The following ZFP90 variants were observed in gnomAD, a reference collection of about 807,000 sequenced individuals.
ZFP90 encodes ZFP90 zinc finger protein.
Under a neutral mutation model 60.8 loss-of-function variants are expected in ZFP90, and 38 were observed. The ratio of observed to expected loss-of-function variants is 0.62; its 90% CI spans 0.48 to 0.82. The LOEUF (loss-of-function observed/expected upper bound fraction) is 0.82, where lower values mean the gene tolerates loss of function less well. Among genes scored for constraint, ZFP90 ranks in the 40% least tolerant of loss-of-function variants. The pLI is 0.00. For missense variants in ZFP90, 711 were observed against 759.1 expected (o/e 0.94, Z 0.74); for synonymous variants, 287 against 264.8 (o/e 1.08, Z -0.82).
chr16:68,559,639 C>T (rs894854342), intron 4 of ZFP90, among the ~76,000 whole-genome samples: 1 of 151,196 alleles, frequency 6.6e-6, no homozygotes, highest in Admixed American at 6.6e-5. Flanking sequence ...GTGATCTCGG[C>T]TCACTGCAGT....
rs2091522832 is a variant in ZFP90, at chr16:68,566,130, C to CAT, written c.*1433_*1434insTA. ...CCTGAGCAACAGAGCAAGACACACA[C>CAT]ACATCAATTTATTTTAGTTGTATAA... On this transcript the variant is annotated 3_prime_UTR_variant, in exon 5 of 5. Transcript: ENST00000563169. The CAT allele has an allele frequency of 2.0e-6, 2 of 985,096 alleles. No individual in the cohort carries two copies. Among genetic ancestry groups the CAT allele is most frequent in the Non-Finnish European group, 2.4e-6 (2 of 829,842 alleles). The allele number at this position is 985,096 out of a possible 1,614,324, so 61.0% of individuals were successfully genotyped here.
At chr16:68,545,087 T>A (rs934791743) in intron 2 of ZFP90, among the ~76,000 whole-genome samples, 1 of 151,776 alleles carries the variant, frequency 6.6e-6, no homozygotes, top group African/African-American at 2.4e-5. Context: ...CGTCATGTTA[T>A]CCAGGATGGT....
In ZFP90 at chr16:68,567,041, G is replaced by A. The variant is rs948033744; in HGVS notation, c.*2343G>A. 4 of 985,456 alleles carry A rather than the reference G, an allele frequency of 4.1e-6. No homozygotes were observed. The African/African-American group carries it at 5.2e-5, about 13-fold the overall frequency. The allele number at this position is 985,456 out of a possible 1,614,324, so 61.0% of individuals were successfully genotyped here. A position where few individuals can be genotyped will look rare whatever the true frequency, so the allele number is the denominator to read the frequency against. ...CTTAGTCCCAACAGCCATGAACCATGCACTTATGGATACCCAGCCTTTTAG... is the reference window on the plus strand; with the variant it reads ...CTTAGTCCCAACAGCCATGAACCATACACTTATGGATACCCAGCCTTTTAG... On this transcript the variant is annotated 3_prime_UTR_variant, in exon 5 of 5. Transcript: ENST00000563169.
At chr16:68,568,908 G>T (rs1174837380), downstream of ZFP90, among the ~76,000 whole-genome samples, 3 of 152,074 alleles carry the variant, frequency 2.0e-5, no homozygotes, top group Non-Finnish European at 4.4e-5. Context: ...CGAACTCCTG[G>T]CCTCAAGTGA....
chr16:68,566,528 T>C lies in ZFP90; in HGVS notation c.*1830T>C. 1.0e-6 allele frequency: 1 copy of C among 985,556 alleles called. No individual in the cohort carries two copies. Among genetic ancestry groups the C allele is most frequent in the Non-Finnish European group, 1.2e-6 (1 of 829,926 alleles). The allele number at this position is 985,556 out of a possible 1,614,324, so 61.1% of individuals were successfully genotyped here. A position where few individuals can be genotyped will look rare whatever the true frequency, so the allele number is the denominator to read the frequency against. ...CAGGGAAAAAATTGTGCATGGGGGC[T>C]GAAATGTAATATGTGTAGCTCAATT... On this transcript the variant is annotated 3_prime_UTR_variant, in exon 5 of 5. Coordinates refer to ENST00000563169, the MANE Select transcript of ZFP90 (RefSeq NM_001305203.2).
downstream of ZFP90, among the ~76,000 whole-genome samples, chr16:68,571,506 C>A (rs568045691): frequency 7.1e-4 from 108 of 152,318 alleles, no homozygotes; most frequent in Non-Finnish European, 1.1e-3. Flanking sequence ...TCCTCCCACA[C>A]AACCACCTGC....
chr16:68,566,461 A>C lies in ZFP90; in HGVS notation c.*1763A>C. ...CAGGATTCATTGCCTTTCTCTCATC[A>C]TGGATGGCATGCAGCAGCACCCAAG... On this transcript the variant is annotated 3_prime_UTR_variant, in exon 5 of 5. Coordinates refer to ENST00000563169, the MANE Select transcript of ZFP90 (RefSeq NM_001305203.2). The C allele has an allele frequency of 1.0e-6, 1 of 985,526 alleles. No homozygotes were observed. Among genetic ancestry groups the C allele is most frequent in the Non-Finnish European group, 1.2e-6 (1 of 829,932 alleles). 61.0% of individuals were successfully genotyped at this position (985,526 alleles called of 1,614,324 possible). A position where few individuals can be genotyped will look rare whatever the true frequency, so the allele number is the denominator to read the frequency against.
At chr16:68,536,040 C>T (rs775504081), upstream of ZFP90, among the ~76,000 whole-genome samples, 46 of 152,168 alleles carry the variant, frequency 3.0e-4, no homozygotes, top group Non-Finnish European at 4.9e-4. Context: ...TTGTGAACTG[C>T]GCACCTTTCC....
At chr16:68,558,221 G>A (rs1049713529) in intron 3 of ZFP90, 97 bp downstream of exon 3, 28 of 1,528,460 alleles carry the variant, frequency 1.8e-5, no homozygotes, top group Non-Finnish European at 2.4e-5. Context: ...ACTGTGACCA[G>A]GGTGCTCAGG....
intron 4 of ZFP90, chr16:68,561,977 A>C (rs200155926): frequency 6.6e-6 from 1 of 152,130 alleles, no homozygotes; most frequent in African/African-American, 2.4e-5. Context: ...TGTTGTTAAC[A>C]TGTTATTTTA....
chr16:68,563,059 C>CT lies in ZFP90; in HGVS notation c.273dup (p.Glu92Ter). 1.9e-6 allele frequency: 3 copies of CT among 1,614,042 alleles called. No individual in the cohort carries two copies. The highest frequency in any genetic ancestry group is 2.5e-6 in the Non-Finnish European group (3 of 1,180,008). ...TTTCTTTCAGACTGGAAGACCAGGC[C>CT]TGAAGTCAAATCATCACATTTGCAG... On this transcript the variant is annotated frameshift_variant, in exon 5 of 5. Coordinates refer to ENST00000563169, the MANE Select transcript of ZFP90 (RefSeq NM_001305203.2). LOFTEE classifies it high-confidence loss of function.
chr16:68,560,337 A>G (rs998257824), intron 4 of ZFP90, among the ~76,000 whole-genome samples: 8 of 152,100 alleles, frequency 5.3e-5, no homozygotes, highest in African/African-American at 9.7e-5. Flanking sequence ...TTCTATTTCT[A>G]TGGATTTGTA....
downstream of ZFP90, among the ~76,000 whole-genome samples, chr16:68,567,632 A>G (rs1474721591): frequency 6.6e-6 from 1 of 152,266 alleles, no homozygotes; most frequent in South Asian, 2.1e-4. Context: ...GGTTGACATG[A>G]TGGTGTTCTT....
intron 4 of ZFP90, among the ~76,000 whole-genome samples, chr16:68,561,698 T>C (rs1444758962): frequency 6.6e-6 from 1 of 152,178 alleles, no homozygotes; most frequent in African/African-American, 2.4e-5. Flanking sequence ...CAGTAAGAAA[T>C]CTGGTTAGCA....
intron 2 of ZFP90, among the ~76,000 whole-genome samples, chr16:68,546,102 G>A (rs1437202712): frequency 6.6e-6 from 1 of 152,214 alleles, no homozygotes; most frequent in Non-Finnish European, 1.5e-5. Flanking sequence ...TTGAGCCCGG[G>A]AGGTGGAGGT....
chr16:68,538,702 G>A (rs1425596457), upstream of ZFP90, among the ~76,000 whole-genome samples: 2 of 69,638 alleles, frequency 2.9e-5, no homozygotes, highest in African/African-American at 1.1e-4. Flanking sequence ...GCGAAACTGT[G>A]TCTCAAAAAA....
downstream of ZFP90, among the ~76,000 whole-genome samples, chr16:68,570,404 C>T (rs1461030251): frequency 6.6e-6 from 1 of 152,224 alleles, no homozygotes; most frequent in Non-Finnish European, 1.5e-5. Flanking sequence ...AACTCCTAGG[C>T]AGTGCACCCC....
rs186918820 is a variant in ZFP90, at chr16:68,565,277, G to A, written c.*579G>A. 1.0e-6 allele frequency: 1 copy of A among 985,496 alleles called. No individual in the cohort carries two copies. The highest frequency in any genetic ancestry group is 1.1e-4 in the East Asian group (1 of 8,906). The allele number at this position is 985,496 out of a possible 1,614,324, so 61.0% of individuals were successfully genotyped here. A position where few individuals can be genotyped will look rare whatever the true frequency, so the allele number is the denominator to read the frequency against. ...AGGGTAAAGCTGGGTTAAAAATGCA[G>A]GTTTCCTGGATTTGGGGCCCCATGG... On this transcript the variant is annotated 3_prime_UTR_variant, in exon 5 of 5. Transcript: ENST00000563169.
chr16:68,565,536 C>A lies in ZFP90; in HGVS notation c.*838C>A. ...CTGTAGATGGTTGAACTACTAGTGA[C>A]TTTTTTCCCCTTTTCCCAGTTACAA... On this transcript the variant is annotated 3_prime_UTR_variant, in exon 5 of 5. Coordinates refer to ENST00000563169, the MANE Select transcript of ZFP90 (RefSeq NM_001305203.2). 1 of 985,550 alleles carries A rather than the reference C, an allele frequency of 1.0e-6. No homozygotes were observed. Among genetic ancestry groups the A allele is most frequent in the Non-Finnish European group, 1.2e-6 (1 of 829,928 alleles). The allele number at this position is 985,550 out of a possible 1,614,324, so 61.1% of individuals were successfully genotyped here.
Sources: allele counts gnomAD v4.1 joint callset (sites outside exome capture counted in the v4.1 genomes callset), GRCh38; gene constraint gnomAD v4.1.1; transcripts MANE v1.5; gene names NCBI Gene and HGNC (gene_info 2026-07-23, HGNC 2026-07-21).